AK9: variants seen among roughly 807,000 people sequenced by gnomAD.
AK9 encodes adenylate kinase 9, also known as adenylate kinase domain containing 1.
In AK9, 191 loss-of-function variants were observed where a neutral mutation model predicts 239.6. The ratio of observed to expected loss-of-function variants is 0.80; its 90% CI spans 0.71 to 0.90. AK9 has a LOEUF of 0.90. Ranked by LOEUF, AK9 falls within the 40% of genes least tolerant of loss-of-function variation. AK9 has a pLI of 0.00. For missense variants in AK9, 1,995 were observed against 2,214.7 expected (o/e 0.90, Z 1.99); for synonymous variants, 689 against 721.0 (o/e 0.96, Z 0.71).
intron 20 of AK9, among the ~76,000 whole-genome samples, chr6:109,578,981 G>C (rs1399564153): frequency 6.6e-6 from 1 of 152,142 alleles, no homozygotes; most frequent in Admixed American, 6.5e-5. Context: ...TCCATGTGCT[G>C]ATGAATAGAA....
chr6:109,557,859 A>G (rs1435293125), intron 24 of AK9, among the ~76,000 whole-genome samples: 1 of 152,214 alleles, frequency 6.6e-6, no homozygotes, highest in East Asian at 1.9e-4. Flanking sequence ...TCCCACGAGC[A>G]GTATATAAGA....
At chr6:109,641,641 A>C in intron 9 of AK9, 25 bp from the exon 10 acceptor site, 1 of 1,570,194 alleles carries the variant, frequency 6.4e-7, no homozygotes, top group Non-Finnish European at 8.8e-7. Flanking sequence ...CAGATATTTA[A>C]CTACATTGGC....
At chr6:109,623,676 T>C (rs1795132254) in intron 12 of AK9, among the ~76,000 whole-genome samples, 1 of 152,202 alleles carries the variant, frequency 6.6e-6, no homozygotes, top group Admixed American at 6.5e-5. Flanking sequence ...TAATTTTTTA[T>C]GCAGTAATAA....
chr6:109,655,687 C>T (rs1298321761), intron 8 of AK9, among the ~76,000 whole-genome samples: 2 of 152,154 alleles, frequency 1.3e-5, no homozygotes, highest in Non-Finnish European at 2.9e-5. Context: ...AAAAAGATAA[C>T]CTCTGCATTT....
chr6:109,579,134 T>C (rs935330457), intron 20 of AK9, among the ~76,000 whole-genome samples: 3 of 152,164 alleles, frequency 2.0e-5, no homozygotes, highest in Non-Finnish European at 4.4e-5. Context: ...AGTTTAATCA[T>C]AAAGAGAGTA....
chr6:109,618,431 A>G (rs951377577), intron 13 of AK9, among the ~76,000 whole-genome samples: 3 of 149,414 alleles, frequency 2.0e-5, no homozygotes, highest in Admixed American at 1.3e-4. Context: ...GAAAAACAGA[A>G]AAAAAAAAAC....
In AK9 at chr6:109,564,789, C is replaced by G. The variant is rs894100173; in HGVS notation, c.2401G>C (p.Glu801Gln). 5.0e-5 allele frequency: 78 copies of G among 1,546,616 alleles called. No homozygotes were observed. The highest frequency in any genetic ancestry group is 6.5e-5 in the Non-Finnish European group (74 of 1,144,782). The change falls in exon 22 of 41, where the codon GAG becomes CAG. Residue 801 changes from glutamate (E) to glutamine (Q), a missense_variant. By Grantham distance (29) the Glu-to-Gln change is conservative. Around this residue, in one of 5 missense-constraint regions of AK9, gnomAD observed 1,290 missense variants for 1,392.7 expected, o/e 0.93. Transcript: ENST00000424296. ...VETEIPKGSKEGLEIEKLSET... is the reference protein window; with the variant it reads ...VETEIPKGSKQGLEIEKLSET... Reference sequence around the variant, plus strand: ...GATAATTTTTCAATTTCCAGGCCCTCTTTGGATCCTTTTGGGATTTCTGTT... The same window carrying G: ...GATAATTTTTCAATTTCCAGGCCCTGTTTGGATCCTTTTGGGATTTCTGTT...
At chr6:109,635,513 G>A (rs1482168315) in intron 10 of AK9, among the ~76,000 whole-genome samples, 1 of 152,126 alleles carries the variant, frequency 6.6e-6, no homozygotes, top group Non-Finnish European at 1.5e-5. Context: ...CCAGTGAGAA[G>A]ACCAGAAGCA....
chr6:109,540,909 C>A (rs889498677), intron 27 of AK9, among the ~76,000 whole-genome samples: 2 of 152,130 alleles, frequency 1.3e-5, no homozygotes, highest in Non-Finnish European at 2.9e-5. Context: ...TCTGAATGCC[C>A]TTCTGGAATT....
At chr6:109,642,698 G>A (rs1797605608) in intron 9 of AK9, among the ~76,000 whole-genome samples, 1 of 151,870 alleles carries the variant, frequency 6.6e-6, no homozygotes, top group East Asian at 1.9e-4. Context: ...TGTGGGATGT[G>A]AGAAAAAAAA....
At chr6:109,529,111 A>G in intron 28 of AK9, 38 bp from the exon 29 acceptor site, 1 of 1,525,670 alleles carries the variant, frequency 6.6e-7, no homozygotes, top group Non-Finnish European at 8.7e-7. Context: ...TGTAATGGAG[A>G]ATGATAAAAG....
chr6:109,574,635 C>T (rs535465510), intron 20 of AK9, among the ~76,000 whole-genome samples: 1 of 152,058 alleles, frequency 6.6e-6, no homozygotes, highest in Non-Finnish European at 1.5e-5. Context: ...ATTAAGTTCA[C>T]ACACCCCTGA....
chr6:109,536,042 T>C (rs904000193), intron 27 of AK9, among the ~76,000 whole-genome samples: 2 of 152,228 alleles, frequency 1.3e-5, no homozygotes, highest in Non-Finnish European at 2.9e-5. Context: ...GGTAGCGTGA[T>C]GCCTCCAGCT....
chr6:109,667,666 C>T (rs1372020621), intron 5 of AK9, among the ~76,000 whole-genome samples: 1 of 150,742 alleles, frequency 6.6e-6, no homozygotes, highest in Non-Finnish European at 1.5e-5. Flanking sequence ...GGTTTTTTGT[C>T]CTTGCGATAG....
intron 24 of AK9, among the ~76,000 whole-genome samples, chr6:109,557,214 C>T (rs780757678): frequency 3.3e-5 from 5 of 152,032 alleles, no homozygotes; most frequent in Non-Finnish European, 7.4e-5. Context: ...TCACTTTCTA[C>T]TTGTTTGTTT....
chr6:109,498,069 G>C, intron 36 of AK9, 104 bp from the exon 37 acceptor site: 1 of 1,058,240 alleles, frequency 9.4e-7, no homozygotes, highest in Non-Finnish European at 1.4e-6. Context: ...TTCAGTAGCA[G>C]CGTTCTGCTG....
At chr6:109,684,227 T>C (rs1329786986) in intron 1 of AK9, among the ~76,000 whole-genome samples, 1 of 152,084 alleles carries the variant, frequency 6.6e-6, no homozygotes. Context: ...CCCTTCCTTA[T>C]ACTTGATACA....
rs1273190557 is a variant in AK9 at position 109,671,902 on chromosome 6, T to C, written c.331+17A>G. 2 of 1,607,898 alleles carry C rather than the reference T, an allele frequency of 1.2e-6. No individual in the cohort carries two copies. Among genetic ancestry groups the C allele is most frequent in the Non-Finnish European group, 1.7e-6 (2 of 1,175,362 alleles). ...AAGGCTGCTTTGTGGGCTGTAAATA[T>C]ATTAAAATAAACATACCAAAGTGAC... On this transcript the variant is annotated intron_variant, in intron 5 of 40. Transcript: ENST00000424296.
intron 3 of AK9, among the ~76,000 whole-genome samples, chr6:109,672,742 C>T (rs766688874): frequency 2.4e-4 from 36 of 151,946 alleles, no homozygotes; most frequent in Non-Finnish European, 3.8e-4. Context: ...ACTCTGTAAA[C>T]GCCTCTGCAC....
Sources: gnomAD v4.1 joint callset for allele counts (sites outside exome capture counted in the v4.1 genomes callset) on GRCh38, gnomAD v4.1.1 for gene constraint, gnomAD v4.1.1 regional missense constraint, MANE v1.5 for transcripts, NCBI Gene and HGNC (gene_info 2026-07-23, HGNC 2026-07-21) for gene names.